The following HS3ST5 variants were observed in gnomAD, a reference collection of about 807,000 sequenced individuals.
HS3ST5 encodes heparan sulfate glucosamine 3-O-sulfotransferase 5.
HS3ST5 carries 10 observed loss-of-function variants against 25.4 expected under a neutral mutation model. The observed-to-expected ratio is 0.39, with a 90% CI of 0.24 to 0.67. The LOEUF is 0.67. Among genes scored for constraint, HS3ST5 ranks in the 30% least tolerant of loss-of-function variants. The pLI, the probability that HS3ST5 is intolerant of heterozygous loss-of-function variation, is 0.44. For synonymous variants in HS3ST5, 170 were observed against 162.4 expected (o/e 1.05, Z -0.36); for missense variants, 324 against 420.7 (o/e 0.77, Z 2.01).
chr6:114,272,224 T>G (rs1486663888), intron 1 of HS3ST5, among the ~76,000 whole-genome samples: 1 of 152,120 alleles, frequency 6.6e-6, no homozygotes, highest in African/African-American at 2.4e-5. Flanking sequence ...AATCCTAGAT[T>G]TGGTAGACGA....
intron 1 of HS3ST5, among the ~76,000 whole-genome samples, chr6:114,274,301 G>A (rs879938342): frequency 5.9e-5 from 9 of 152,084 alleles, no homozygotes; most frequent in Non-Finnish European, 1.2e-4. Context: ...TTTGAGAAGA[G>A]AGGCTGATGA....
At chr6:114,067,944 C>A (rs1047265094) in intron 3 of HS3ST5, among the ~76,000 whole-genome samples, 67 of 152,192 alleles carry the variant, frequency 4.4e-4, no homozygotes, top group Non-Finnish European at 5.9e-5. Flanking sequence ...TAATGTCTAT[C>A]TCACAGGGTT....
At chr6:114,306,638 AC>A (rs1325355517) in intron 1 of HS3ST5, among the ~76,000 whole-genome samples, 9 of 152,160 alleles carry the variant, frequency 5.9e-5, no homozygotes, top group African/African-American at 2.2e-4. Context: ...TAAAAAAGAC[AC>A]CTATGGATTG....
chr6:114,228,779 C>T lies in HS3ST5; in HGVS notation c.-338-1G>A, dbSNP rs547911943. ...GAAGACAGTGAGTATCTGATTATCT[C>T]TAAACAGAACAGAAAAAGAAGTGGT... On this transcript the variant is annotated splice_acceptor_variant, in intron 1 of 4. Coordinates refer to ENST00000312719, the MANE Select transcript of HS3ST5 (RefSeq NM_153612.4). LOFTEE classifies it low-confidence loss of function (5UTR_SPLICE). 2.0e-5 allele frequency: 3 copies of T among 152,260 alleles called. No individual in the cohort carries two copies. In the South Asian group the frequency reaches 6.2e-4, roughly 32 times the overall value. The allele number at this position is 152,260 out of a possible 1,614,324, so 9.4% of individuals were successfully genotyped here.
At chr6:114,330,363 A>AG (rs1241625715) in intron 1 of HS3ST5, among the ~76,000 whole-genome samples, 2 of 152,184 alleles carry the variant, frequency 1.3e-5, no homozygotes, top group Non-Finnish European at 2.9e-5. Flanking sequence ...TGAAGTTCTT[A>AG]GAGTACAGTA....
At chr6:114,167,232 C>A (rs978712030) in intron 3 of HS3ST5, among the ~76,000 whole-genome samples, 2 of 152,194 alleles carry the variant, frequency 1.3e-5, no homozygotes, top group African/African-American at 4.8e-5. Context: ...AATGATACAG[C>A]CTAGGGTTTA....
intron 3 of HS3ST5, among the ~76,000 whole-genome samples, chr6:114,111,473 C>T (rs928317922): frequency 2.6e-5 from 4 of 152,146 alleles, no homozygotes; most frequent in Non-Finnish European, 5.9e-5. Flanking sequence ...AACAGAATGT[C>T]CTATCTTCCT....
At chr6:114,167,027 C>T (rs1320946056) in intron 3 of HS3ST5, among the ~76,000 whole-genome samples, 1 of 152,076 alleles carries the variant, frequency 6.6e-6, no homozygotes, top group Non-Finnish European at 1.5e-5. Flanking sequence ...ACTTTGTCAC[C>T]CACACTGAAG....
intron 2 of HS3ST5, 103 bp downstream of exon 2, chr6:114,228,482 T>C (rs1357852683): frequency 3.9e-5 from 6 of 152,182 alleles, no homozygotes; most frequent in Non-Finnish European, 5.9e-5. Context: ...TTACATTTAA[T>C]AGTTTCTTTT....
intron 1 of HS3ST5, among the ~76,000 whole-genome samples, chr6:114,275,039 G>A (rs1486309813): frequency 2.0e-5 from 3 of 151,680 alleles, no homozygotes; most frequent in Admixed American, 6.6e-5. Flanking sequence ...GACTATACAC[G>A]GTGACAGAGC....
intron 1 of HS3ST5, among the ~76,000 whole-genome samples, chr6:114,322,916 A>G (rs539974669): frequency 6.6e-6 from 1 of 152,320 alleles, no homozygotes; most frequent in South Asian, 2.1e-4. Flanking sequence ...GATTTGGCTA[A>G]TAAAATGAAC....
At chr6:114,112,300 G>T (rs1776307409) in intron 3 of HS3ST5, 1 of 152,414 alleles carries the variant, frequency 6.6e-6, no homozygotes, top group Admixed American at 6.5e-5. Context: ...AGAGGAGGGA[G>T]AAGCAGAGGT....
At chr6:114,316,113 A>G (rs146589931) in intron 1 of HS3ST5, among the ~76,000 whole-genome samples, 52 of 152,344 alleles carry the variant, frequency 3.4e-4, no homozygotes, top group Non-Finnish European at 7.1e-4. Context: ...CAGGCATGTG[A>G]CTTTTTCTAT....
chr6:114,163,306 C>G (rs529508237), intron 3 of HS3ST5, among the ~76,000 whole-genome samples: 1 of 152,158 alleles, frequency 6.6e-6, no homozygotes, highest in South Asian at 2.1e-4. Flanking sequence ...ACAAACTAGT[C>G]CATATTCGTC....
chr6:114,294,538 C>T (rs1774729213), intron 1 of HS3ST5, among the ~76,000 whole-genome samples: 1 of 151,596 alleles, frequency 6.6e-6, no homozygotes, highest in Non-Finnish European at 1.5e-5. Flanking sequence ...CTCCGCCTCC[C>T]GGGTTCAGGC....
At chr6:114,186,690 A>G (rs1402121236) in intron 2 of HS3ST5, among the ~76,000 whole-genome samples, 1 of 152,248 alleles carries the variant, frequency 6.6e-6, no homozygotes, top group Admixed American at 6.5e-5. Context: ...GCTATGCTAA[A>G]CAATAAATTT....
chr6:114,135,670 A>G (rs1777560864), intron 3 of HS3ST5, among the ~76,000 whole-genome samples: 1 of 152,212 alleles, frequency 6.6e-6, no homozygotes, highest in South Asian at 2.1e-4. Context: ...GTTTTCTCCT[A>G]TTCCACAGTC....
intron 2 of HS3ST5, among the ~76,000 whole-genome samples, chr6:114,210,652 T>C (rs1781477527): frequency 2.0e-5 from 3 of 152,212 alleles, no homozygotes; most frequent in African/African-American, 7.2e-5. Flanking sequence ...GTTTAGAAGG[T>C]ACCAAGGACA....
intron 1 of HS3ST5, among the ~76,000 whole-genome samples, chr6:114,274,321 G>T (rs1486344872): frequency 6.6e-6 from 1 of 152,052 alleles, no homozygotes; most frequent in African/African-American, 2.4e-5. Flanking sequence ...ACGGACTCAG[G>T]AAATATACCA....
Sources: allele counts gnomAD v4.1 joint callset (sites outside exome capture counted in the v4.1 genomes callset), GRCh38; gene constraint gnomAD v4.1.1; transcripts MANE v1.5; gene names NCBI Gene and HGNC (gene_info 2026-07-23, HGNC 2026-07-21).